DPP10: variants seen among roughly 807,000 people sequenced by gnomAD.
DPP10 encodes dipeptidyl peptidase like 10.
DPP10 carries 33 observed loss-of-function variants against 120.9 expected under a neutral mutation model. The observed-to-expected ratio is 0.27, with a 90% confidence interval of 0.21 to 0.37. The LOEUF (loss-of-function observed/expected upper bound fraction) is 0.37, where lower values mean the gene tolerates loss of function less well. Ranked by LOEUF, DPP10 falls within the 10% of genes least tolerant of loss-of-function variation. The pLI is 1.00. For missense variants in DPP10, 816 were observed against 942.8 expected, an observed-to-expected ratio of 0.87 and a Z score of 1.76; for synonymous variants, 337 against 326.1, an observed-to-expected ratio of 1.03 and a Z score of -0.36.
At chr2:114,977,165 A>G (rs545310074) in intron 1 of DPP10, among the ~76,000 whole-genome samples, 1 of 152,250 alleles carries the variant, frequency 6.6e-6, no homozygotes, top group African/African-American at 2.4e-5. Context: ...TCATGTTTAT[A>G]TTAAATATGT....
intron 15 of DPP10, among the ~76,000 whole-genome samples, chr2:115,780,662 T>C (rs901292173): frequency 6.6e-6 from 1 of 151,834 alleles, no homozygotes; most frequent in African/African-American, 2.4e-5. Context: ...ATACATAATT[T>C]TAATTTTAAT....
chr2:114,717,968 G>A (rs1701459653), intron 1 of DPP10, among the ~76,000 whole-genome samples: 1 of 151,852 alleles, frequency 6.6e-6, no homozygotes, highest in African/African-American at 2.4e-5. Flanking sequence ...TTTGATATTT[G>A]CTTAGTTGTA....
At chr2:114,476,446 C>T (rs2104643340) in intron 1 of DPP10, among the ~76,000 whole-genome samples, 2 of 152,256 alleles carry the variant, frequency 1.3e-5, no homozygotes, top group Middle Eastern at 6.8e-3. Flanking sequence ...ATATGAATGG[C>T]TCTCAAATGT....
intron 1 of DPP10, among the ~76,000 whole-genome samples, chr2:114,832,529 G>A (rs542523247): frequency 1.1e-4 from 16 of 152,214 alleles, no homozygotes; most frequent in African/African-American, 3.6e-4. Context: ...GCGAGACTCC[G>A]TCTCAAAATA....
At chr2:115,775,440 A>C (rs887759365) in intron 13 of DPP10, among the ~76,000 whole-genome samples, 3 of 152,054 alleles carry the variant, frequency 2.0e-5, no homozygotes, top group African/African-American at 7.2e-5. Context: ...ATAACTTTAC[A>C]TTGATAAACT....
At chr2:115,767,851 G>C (rs1345731534) in intron 12 of DPP10, among the ~76,000 whole-genome samples, 1 of 151,976 alleles carries the variant, frequency 6.6e-6, no homozygotes, top group Non-Finnish European at 1.5e-5. Context: ...CTTCAAGTAA[G>C]TACAGTTGCT....
At chr2:115,345,670 A>C (rs1034726130) in intron 3 of DPP10, among the ~76,000 whole-genome samples, 1 of 152,148 alleles carries the variant, frequency 6.6e-6, no homozygotes, top group Non-Finnish European at 1.5e-5. Flanking sequence ...AGCTTGGACT[A>C]TTTAGAGGCA....
At chr2:115,077,206 C>A (rs1707878711) in intron 1 of DPP10, among the ~76,000 whole-genome samples, 1 of 152,158 alleles carries the variant, frequency 6.6e-6, no homozygotes, top group Non-Finnish European at 1.5e-5. Context: ...TAATATATAA[C>A]TCTATATAAT....
chr2:114,784,172 G>A lies in DPP10; in HGVS notation c.60+341334G>A, dbSNP rs145898957. Among the ~76,000 whole-genome samples the A allele has an allele frequency of 3.0e-3, 453 of 152,140 alleles. 2 individuals carry two copies. The highest frequency in any genetic ancestry group is 0.011 in the African/African-American group (437 of 41,544). On this transcript the variant is annotated intron_variant, in intron 1 of 25. Coordinates refer to ENST00000410059, the MANE Select transcript of DPP10 (RefSeq NM_020868.6). ...ATTGGGATCAAGAACCTCCTGTAGT[G>A]TCGACTAACCTGATCAAATAACACT... is the stretch of plus-strand genomic sequence containing the variant.
intron 1 of DPP10, among the ~76,000 whole-genome samples, chr2:114,758,680 C>T (rs1032480560): frequency 2.0e-5 from 3 of 151,798 alleles, no homozygotes; most frequent in Non-Finnish European, 4.4e-5. Flanking sequence ...AATTTTTCCT[C>T]TCTGTTAAAA....
At chr2:114,837,628 A>G (rs1687846584) in intron 1 of DPP10, among the ~76,000 whole-genome samples, 2 of 152,154 alleles carry the variant, frequency 1.3e-5, no homozygotes, top group Non-Finnish European at 2.9e-5. Flanking sequence ...GAAACTGGGG[A>G]GCAGCTAAGT....
At chr2:114,474,879 G>A (rs755109828) in intron 1 of DPP10, among the ~76,000 whole-genome samples, 1 of 152,220 alleles carries the variant, frequency 6.6e-6, no homozygotes, top group Non-Finnish European at 1.5e-5. Context: ...CAAACCCTAA[G>A]AGATGGGTCA....
intron 1 of DPP10, among the ~76,000 whole-genome samples, chr2:114,759,913 A>G (rs1259002648): frequency 6.6e-6 from 1 of 152,228 alleles, no homozygotes; most frequent in African/African-American, 2.4e-5. Context: ...TTGAAATAAA[A>G]TAAAATAAAC....
chr2:115,275,128 T>C (rs1463749260), intron 1 of DPP10, among the ~76,000 whole-genome samples: 2 of 152,226 alleles, frequency 1.3e-5, no homozygotes, highest in Non-Finnish European at 2.9e-5. Context: ...CCACCTATAA[T>C]TGAAAGCATT....
At chr2:115,784,412 A>G (rs1683111666) in intron 17 of DPP10, among the ~76,000 whole-genome samples, 1 of 152,262 alleles carries the variant, frequency 6.6e-6, no homozygotes, top group African/African-American at 2.4e-5. Context: ...GAAACGCAGA[A>G]GAAACTACTG....
intron 8 of DPP10, among the ~76,000 whole-genome samples, chr2:115,734,975 C>A (rs1404948167): frequency 1.3e-5 from 2 of 152,132 alleles, no homozygotes; most frequent in South Asian, 2.1e-4. Flanking sequence ...GAAGGGGACA[C>A]AGCAGTCACC....
chr2:115,140,397 G>T lies in DPP10; in HGVS notation c.61-168842G>T, dbSNP rs563177014. Among the ~76,000 whole-genome samples the T allele has an allele frequency of 1.6e-4, 25 of 152,334 alleles. No individual in the cohort carries two copies. The South Asian group carries it at 3.3e-3, about 20-fold the overall frequency. On this transcript the variant is annotated intron_variant, in intron 1 of 25. Transcript: ENST00000410059. ...TGTGGGCAGAAGGAGGATGATGGAA[G>T]ATGATGGCTCAGAGCTGGTGATAAC... is the stretch of plus-strand genomic sequence containing the variant.
intron 21 of DPP10, among the ~76,000 whole-genome samples, chr2:115,821,737 AGTATT>A (rs1466742780): frequency 2.6e-4 from 40 of 152,046 alleles, no homozygotes; most frequent in African/African-American, 8.9e-4. Flanking sequence ...ATTGCTGAGA[AGTATT>A]GTATTGTATG....
At chr2:115,281,374 T>A (rs181304975) in intron 1 of DPP10, among the ~76,000 whole-genome samples, 1 of 152,284 alleles carries the variant, frequency 6.6e-6, no homozygotes, top group Admixed American at 6.5e-5. Context: ...AGAGTAATTG[T>A]GTTTCAGTTG....
Sources: allele counts gnomAD v4.1 joint callset (sites outside exome capture counted in the v4.1 genomes callset), GRCh38; gene constraint gnomAD v4.1.1; transcripts MANE v1.5; gene names NCBI Gene and HGNC (gene_info 2026-07-23, HGNC 2026-07-21).